The following GULP1 variants were observed in gnomAD, a reference collection of about 807,000 sequenced individuals.
GULP1 encodes the protein PTB domain-containing engulfment adapter protein 1.
A neutral mutation model predicts 40.9 loss-of-function variants in GULP1; 19 were observed. The observed-to-expected ratio is 0.46, with a 90% CI of 0.32 to 0.68. The LOEUF is 0.68. Ranked by LOEUF, GULP1 falls within the 30% of genes least tolerant of loss-of-function variation. The pLI is 0.03. For synonymous variants in GULP1, 119 were observed against 117.6 expected, an observed-to-expected ratio of 1.01 and a Z score of -0.08; for missense variants, 312 against 362.2, an observed-to-expected ratio of 0.86 and a Z score of 1.12.
chr2:188,569,995 CAG>C (rs751526439), intron 8 of GULP1, 31 bp from the exon 9 acceptor site: 68 of 810,158 alleles, frequency 8.4e-5, no homozygotes, highest in African/African-American at 5.6e-4. Flanking sequence ...AAAAAAAAAA[CAG>C]AAAGTTATTC....
chr2:188,565,878 G>A lies in GULP1; in HGVS notation c.400-3361G>A, dbSNP rs894575868. On this transcript the variant is annotated intron_variant, in intron 7 of 11. Transcript: ENST00000409830. ...AATGTGTTATTGATAAGTACAACAC[G>A]TATGAAACTCAGAAACTTTAATTTA... 1.4e-4 allele frequency among the ~76,000 whole-genome samples: 21 copies of A among 152,116 alleles called. 1 individual carries two copies. The highest frequency in any genetic ancestry group is 4.3e-4 in the African/African-American group (18 of 41,548).
At position 188,527,382 on chromosome 2, in the gene GULP1, C is replaced by T. The variant is rs184028249; in HGVS notation, c.163-1715C>T. ...GATAATGAGAGTTGCTTTATCCAGA[C>T]GCATTCACATAGGGGGAGAGCAGCT... On this transcript the variant is annotated intron_variant, in intron 5 of 11. Transcript: ENST00000409830. 4.5e-4 allele frequency among the ~76,000 whole-genome samples: 69 copies of T among 152,210 alleles called. No homozygotes were observed. The Middle Eastern group carries it at 0.01, about 23-fold the overall frequency.
At chr2:188,443,600 A>G (rs1396759500) in intron 2 of GULP1, among the ~76,000 whole-genome samples, 1 of 152,184 alleles carries the variant, frequency 6.6e-6, no homozygotes, top group Non-Finnish European at 1.5e-5. Flanking sequence ...AGAAATTTAG[A>G]TTACAAACCT....
chr2:188,369,459 A>G (rs981231669), intron 1 of GULP1, among the ~76,000 whole-genome samples: 35 of 152,200 alleles, frequency 2.3e-4, no homozygotes, highest in Middle Eastern at 3.4e-3. Flanking sequence ...ACCCCAGCCA[A>G]CATGTCCAGT....
intron 2 of GULP1, among the ~76,000 whole-genome samples, chr2:188,418,785 T>A (rs1351319232): frequency 1.3e-5 from 2 of 152,256 alleles, no homozygotes; most frequent in Non-Finnish European, 2.9e-5. Flanking sequence ...AATACATTAT[T>A]GTTGACTATA....
intron 9 of GULP1, among the ~76,000 whole-genome samples, chr2:188,583,550 CATTTTCATGAG>C (rs1240557840): frequency 6.6e-6 from 1 of 152,142 alleles, no homozygotes; most frequent in African/African-American, 2.4e-5. Flanking sequence ...TTCTTGGCTA[CATTTTCATGAG>C]ATTTTCATTT....
At chr2:188,588,454 T>C (rs953641535) in intron 11 of GULP1, 6 of 158,618 alleles carry the variant, frequency 3.8e-5, no homozygotes, top group Non-Finnish European at 8.3e-5. Context: ...TGTAGTTCAG[T>C]TGGGTTTTCA....
chr2:188,329,509 A>G (rs1017710425), intron 1 of GULP1, among the ~76,000 whole-genome samples: 3 of 152,130 alleles, frequency 2.0e-5, no homozygotes, highest in Non-Finnish European at 4.4e-5. Context: ...TGGATTGACA[A>G]TGAAGTGGAC....
At chr2:188,338,941 C>G (rs2042631255) in intron 1 of GULP1, among the ~76,000 whole-genome samples, 1 of 152,052 alleles carries the variant, frequency 6.6e-6, no homozygotes, top group Non-Finnish European at 1.5e-5. Flanking sequence ...AGAAGTTATT[C>G]TTATAATTGT....
chr2:188,316,071 G>A (rs1357542513), intron 1 of GULP1, among the ~76,000 whole-genome samples: 1 of 152,114 alleles, frequency 6.6e-6, no homozygotes, highest in Non-Finnish European at 1.5e-5. Flanking sequence ...GGAAGAAAAA[G>A]CCATGATATT....
intron 4 of GULP1, among the ~76,000 whole-genome samples, chr2:188,514,143 G>C (rs1302619643): frequency 6.6e-6 from 1 of 150,384 alleles, no homozygotes; most frequent in Admixed American, 6.7e-5. Context: ...CCGAGCTATC[G>C]GGCAAGGCTC....
At chr2:188,477,988 T>C (rs181647763) in intron 3 of GULP1, among the ~76,000 whole-genome samples, 1 of 152,236 alleles carries the variant, frequency 6.6e-6, no homozygotes, top group East Asian at 1.9e-4. Context: ...TGAAGCTTGT[T>C]GTGAAATTGC....
chr2:188,353,935 A>C (rs1284764208), intron 1 of GULP1, among the ~76,000 whole-genome samples: 1 of 152,016 alleles, frequency 6.6e-6, no homozygotes, highest in Non-Finnish European at 1.5e-5. Context: ...CAGAGCTGAC[A>C]TGGTACCCTG....
rs1485138037 is a variant in GULP1, at chr2:188,351,561, G to T, written c.-171-32202G>T. On this transcript the variant is annotated intron_variant, in intron 1 of 11. Coordinates refer to ENST00000409830, the MANE Select transcript of GULP1 (RefSeq NM_016315.4). ...GAAGTGCACCTTATAGCACAGTAAT[G>T]TAAACTCTTGATCCATGCATTCTAG... 2.0e-5 allele frequency among the ~76,000 whole-genome samples: 3 copies of T among 152,054 alleles called. No homozygotes were observed. The South Asian group carries it at 6.2e-4, about 31-fold the overall frequency.
intron 2 of GULP1, among the ~76,000 whole-genome samples, chr2:188,472,954 A>G (rs1204493981): frequency 6.6e-6 from 1 of 152,178 alleles, no homozygotes; most frequent in Non-Finnish European, 1.5e-5. Flanking sequence ...GGTATTCAAA[A>G]AGACTTGGAT....
intron 3 of GULP1, among the ~76,000 whole-genome samples, chr2:188,480,457 T>G (rs985903301): frequency 8.8e-5 from 13 of 147,972 alleles, no homozygotes; most frequent in African/African-American, 2.0e-4. Flanking sequence ...CATAATTGTG[T>G]TTTTTTTTTA....
chr2:188,352,473 C>T (rs768265433), intron 1 of GULP1, among the ~76,000 whole-genome samples: 9 of 152,188 alleles, frequency 5.9e-5, no homozygotes, highest in South Asian at 2.1e-4. Flanking sequence ...ACTGAAACTA[C>T]GCCAGGTTGT....
chr2:188,381,788 CTA>C (rs758239288), intron 1 of GULP1, among the ~76,000 whole-genome samples: 1 of 152,116 alleles, frequency 6.6e-6, no homozygotes, highest in Non-Finnish European at 1.5e-5. Flanking sequence ...TACCTTTTAA[CTA>C]TGTGTCATGC....
chr2:188,540,177 G>T (rs1199945994), intron 6 of GULP1, among the ~76,000 whole-genome samples: 1 of 151,816 alleles, frequency 6.6e-6, no homozygotes, highest in East Asian at 1.9e-4. Context: ...ATATATTTAT[G>T]ACTACAACAG....
Sources: allele counts gnomAD v4.1 joint callset (sites outside exome capture counted in the v4.1 genomes callset), GRCh38; gene constraint gnomAD v4.1.1; transcripts MANE v1.5; gene names NCBI Gene and HGNC (gene_info 2026-07-23, HGNC 2026-07-21).